MROH2B: variants seen among roughly 807,000 people sequenced by gnomAD.
The protein encoded by MROH2B is maestro heat-like repeat-containing protein family member 2B.
A neutral mutation model predicts 208.6 loss-of-function variants in MROH2B; 177 were observed. The observed-to-expected ratio is 0.85, with a 90% CI of 0.75 to 0.96. The LOEUF is 0.96. MROH2B is among the 40% of genes least tolerant of loss of function. The pLI is 0.00. For missense variants in MROH2B, 2,002 were observed against 1,878.7 expected (o/e 1.07, Z -1.21); for synonymous variants, 728 against 659.0 (o/e 1.10, Z -1.60).
rs865868336 is a variant in MROH2B at position 41,023,476 on chromosome 5, A to G, written c.2442-4458T>C. ...GATCAAATTAATGAAATGAAGTGAG[A>G]AGAAAAGTTTAGAGAAAAAAGAGTA... On this transcript the variant is annotated intron_variant, in intron 24 of 41. Coordinates refer to ENST00000399564, the MANE Select transcript of MROH2B (RefSeq NM_173489.5). 4.9e-4 allele frequency among the ~76,000 whole-genome samples: 74 copies of G among 152,312 alleles called. 1 individual carries two copies. The Middle Eastern group carries it at 0.017, about 35-fold the overall frequency.
intron 22 of MROH2B, 129 bp downstream of exon 22, chr5:41,033,709 T>G: frequency 1.4e-6 from 1 of 734,570 alleles, no homozygotes; most frequent in Admixed American, 2.7e-5. Context: ...AATTGGATTG[T>G]TACATGTTGG....
intron 41 of MROH2B, 25 bp from the exon 42 acceptor site, chr5:40,998,183 A>T (rs765606037): frequency 1.1e-5 from 17 of 1,576,314 alleles, no homozygotes; most frequent in African/African-American, 2.7e-5. Flanking sequence ...ATAGCAAATA[A>T]GTGGAGGAGG....
intron 24 of MROH2B, among the ~76,000 whole-genome samples, chr5:41,022,906 C>T (rs1742204437): frequency 6.6e-6 from 1 of 151,432 alleles, no homozygotes; most frequent in African/African-American, 2.4e-5. Context: ...GTTCTGCAGC[C>T]TCCGCTGCTG....
At chr5:41,049,657 C>T (rs1489428008) in intron 13 of MROH2B, among the ~76,000 whole-genome samples, 3 of 152,138 alleles carry the variant, frequency 2.0e-5, no homozygotes, top group Admixed American at 6.6e-5. Context: ...TCCATGGGGA[C>T]GTTGCTGGAA....
chr5:40,999,847 A>G (rs1741329632), intron 39 of MROH2B, 68 bp from the exon 40 acceptor site: 1 of 1,425,246 alleles, frequency 7.0e-7, no homozygotes, highest in African/African-American at 1.4e-5. Flanking sequence ...GGCATCCTAT[A>G]GGTCCTCAGA....
chr5:41,034,524 T>A (rs1742690467), intron 21 of MROH2B, among the ~76,000 whole-genome samples: 1 of 152,122 alleles, frequency 6.6e-6, no homozygotes, highest in Non-Finnish European at 1.5e-5. Flanking sequence ...TCTGGTATTA[T>A]AACAGTCCAT....
Position 41,069,697 on chromosome 5 carries a change from A to T in MROH2B, c.84T>A (p.Val28=). 6.2e-7 allele frequency: 1 copy of T among 1,603,726 alleles called. No homozygotes were observed. The highest frequency in any genetic ancestry group is 8.5e-7 in the Non-Finnish European group (1 of 1,173,996). ...TLGMLNKEDI[V]NKEDIYSHLT... The stretch of plus-strand genomic sequence containing the variant: ...TTTTCTCTGTTTTCCCTACCTTGTT[A>T]ACAATATCTTCCTTGTTCAGCATGC... The change falls in exon 2 of 42, where the codon GTT becomes GTA. Residue 28 remains valine, a synonymous_variant. Coordinates refer to ENST00000399564, the MANE Select transcript of MROH2B (RefSeq NM_173489.5).
chr5:41,064,556 G>A lies in MROH2B; in HGVS notation c.376C>T (p.Pro126Ser). 1 of 1,613,110 alleles carries A rather than the reference G, an allele frequency of 6.2e-7. No individual in the cohort carries two copies. The change falls in exon 5 of 42, where the codon CCT (proline) becomes TCT (serine). Residue 126 changes from proline (P) to serine (S), a missense_variant. Physicochemically the swap from Pro to Ser is moderately conservative, Grantham distance 74. Coordinates refer to ENST00000399564, the MANE Select transcript of MROH2B (RefSeq NM_173489.5). Reference protein sequence around the residue: ...LATSYVSQSIPFMMMTLLTMQ... With the variant: ...LATSYVSQSISFMMMTLLTMQ... The stretch of plus-strand genomic sequence containing the variant: ...GTGAGCAGGGTCATCATCATGAAAG[G>A]AATACTCTGGGACACTGGAGGGAGA...
chr5:41,052,360 ACTC>A, intron 12 of MROH2B, 102 bp downstream of exon 12: 1 of 1,091,250 alleles, frequency 9.2e-7, no homozygotes, highest in Non-Finnish European at 1.2e-6. Context: ...TTTTTACTCT[ACTC>A]CTGTGACAGA....
chr5:41,065,011 G>A (rs917046974), intron 4 of MROH2B, among the ~76,000 whole-genome samples: 4 of 152,170 alleles, frequency 2.6e-5, no homozygotes, highest in Non-Finnish European at 5.9e-5. Flanking sequence ...GGAAATAAAT[G>A]GTAGGGATCC....
At chr5:41,051,522 GTGTT>G (rs1743284449) in intron 12 of MROH2B, 1 of 152,514 alleles carries the variant, frequency 6.6e-6, no homozygotes, top group African/African-American at 2.4e-5. Context: ...TGTGATCTGA[GTGTT>G]TGTGTTTTCC....
Position 40,998,053 on chromosome 5 carries a change from T to A in MROH2B, c.4757A>T (p.Ter1586LeuextTer5). ...GCCAGCAGTTTATTTCTTGATGGCT[T>A]ACAGAGGAATGCTTGTCTCTTTACA... ...RRCKETSIPL[*>L] is the part of the protein sequence containing the mutation. The change falls in exon 42 of 42, where the codon TAA (stop) becomes TTA (leucine). Residue 1586 changes from the stop codon to leucine (L), a stop_lost. Coordinates refer to ENST00000399564, the MANE Select transcript of MROH2B (RefSeq NM_173489.5). 6.2e-7 allele frequency: 1 copy of A among 1,605,768 alleles called. No individual in the cohort carries two copies. Among genetic ancestry groups the A allele is most frequent in the South Asian group, 1.1e-5 (1 of 90,494 alleles).
In MROH2B at chr5:41,052,638, G is replaced by A. The variant is rs1252893130; in HGVS notation, c.1108-51C>T. The A allele has an allele frequency of 6.0e-6, 9 of 1,491,240 alleles. No individual in the cohort carries two copies. In the East Asian group the frequency reaches 1.7e-4, roughly 28 times the overall value. The allele number at this position is 1,491,240 out of a possible 1,614,324, so 92.4% of individuals were successfully genotyped here. On this transcript the variant is annotated intron_variant, in intron 11 of 41. Transcript: ENST00000399564. ...ACATTTTACTATGTTTTGCAGAAGG[G>A]AAATTTACCTTATTTTATTCTATAA...
At chr5:41,004,574 T>C (rs956971843) in intron 36 of MROH2B, 46 bp from the exon 37 acceptor site, 2 of 1,575,936 alleles carry the variant, frequency 1.3e-6, no homozygotes, top group African/African-American at 1.4e-5. Flanking sequence ...GTTCTATGCG[T>C]ATCTGGAAGA....
chr5:41,058,020 A>G (rs201379593), intron 7 of MROH2B, 43 bp downstream of exon 7: 14 of 1,439,584 alleles, frequency 9.7e-6, no homozygotes, highest in Middle Eastern at 2.0e-4. Context: ...GGAGGGTTGC[A>G]TGCGGGTTCT....
chr5:41,055,203 C>A (rs1357554836), intron 10 of MROH2B, among the ~76,000 whole-genome samples: 1 of 152,098 alleles, frequency 6.6e-6, no homozygotes, highest in Admixed American at 6.6e-5. Flanking sequence ...CCATACTATG[C>A]AAAAATGAAT....
At chr5:41,001,706 G>T (rs765426997) in intron 37 of MROH2B, among the ~76,000 whole-genome samples, 1 of 151,444 alleles carries the variant, frequency 6.6e-6, no homozygotes, top group African/African-American at 2.4e-5. Flanking sequence ...GACAGAGCAG[G>T]ACTCTGTCTC....
At chr5:41,041,761 A>G (rs1230537568) in intron 19 of MROH2B, among the ~76,000 whole-genome samples, 1 of 151,630 alleles carries the variant, frequency 6.6e-6, no homozygotes, top group Non-Finnish European at 1.5e-5. Flanking sequence ...TTCTCTCTAG[A>G]TTAGTCTAGA....
intron 25 of MROH2B, 43 bp from the exon 26 acceptor site, chr5:41,018,829 A>T: frequency 1.9e-6 from 3 of 1,613,714 alleles, no homozygotes; most frequent in Non-Finnish European, 1.7e-6. Flanking sequence ...CTGGGGTGAG[A>T]GAGTAAGGCC....
Sources: allele counts gnomAD v4.1 joint callset (sites outside exome capture counted in the v4.1 genomes callset), GRCh38; gene constraint gnomAD v4.1.1; transcripts MANE v1.5; gene names NCBI Gene and HGNC (gene_info 2026-07-23, HGNC 2026-07-21).